Variants in PPP1R1B observed in about 807,000 individuals in gnomAD.
PPP1R1B encodes the protein protein phosphatase 1 regulatory subunit 1B.
A neutral mutation model predicts 28.2 loss-of-function variants in PPP1R1B; 13 were observed. That is an observed-to-expected ratio of 0.46 (90% CI 0.30 to 0.73). PPP1R1B has a LOEUF of 0.73. PPP1R1B is among the 30% of genes least tolerant of loss of function. PPP1R1B has a pLI of 0.07. For synonymous variants in PPP1R1B, 102 were observed against 97.5 expected (o/e 1.05, Z -0.27); for missense variants, 236 against 256.7 (o/e 0.92, Z 0.55).
chr17:39,629,148 A>AC (rs1567847284), intron 1 of PPP1R1B, 22 bp from the exon 2 acceptor site: 2 of 1,611,204 alleles, frequency 1.2e-6, no homozygotes, highest in Non-Finnish European at 1.7e-6. Context: ...CCATCCAGTC[A>AC]CCCCTCCCTC....
intron 2 of PPP1R1B, 51 bp downstream of exon 2, chr17:39,629,281 C>G (rs2056858537): frequency 1.3e-6 from 2 of 1,559,124 alleles, no homozygotes; most frequent in Admixed American, 3.4e-5. Context: ...GCTCTGATGC[C>G]TTCCTAGGGG....
rs1028846493 is a variant in PPP1R1B, at chr17:39,627,390, G to C, written c.-3G>C. The stretch of plus-strand genomic sequence containing the variant: ...CCCAGCCCCACCGCCCACCCCGCGC[G>C]CCATGGACCCCAAGGACCGCAAGAA... On this transcript the variant is annotated 5_prime_UTR_variant, in exon 1 of 7. Transcript: ENST00000254079. 6 of 1,597,448 alleles carry C rather than the reference G, an allele frequency of 3.8e-6. No homozygotes were observed. The highest frequency in any genetic ancestry group is 5.1e-6 in the Non-Finnish European group (6 of 1,173,428).
intron 1 of PPP1R1B, chr17:39,628,742 G>C: frequency 1.0e-6 from 1 of 991,078 alleles, no homozygotes; most frequent in Non-Finnish European, 1.2e-6. Context: ...GGCCCGTGGG[G>C]CATCTTCCCC....
At chr17:39,634,140 A>G in intron 5 of PPP1R1B, 54 bp downstream of exon 5, 1 of 1,604,680 alleles carries the variant, frequency 6.2e-7, no homozygotes, top group Admixed American at 1.7e-5. Context: ...CCTTGAGTAT[A>G]CGAGGACGTC....
chr17:39,627,799 A>G (rs989597209), intron 1 of PPP1R1B, among the ~76,000 whole-genome samples: 3 of 151,748 alleles, frequency 2.0e-5, no homozygotes, highest in African/African-American at 4.8e-5. Context: ...CAGTCCCCAA[A>G]GGGTAGTCAG....
chr17:39,630,126 T>C (rs973942782), intron 4 of PPP1R1B, 79 bp downstream of exon 4: 171 of 1,350,922 alleles, frequency 1.3e-4, no homozygotes, highest in Middle Eastern at 7.2e-4. Flanking sequence ...CTTTTGTCAG[T>C]GGGGAGGGAT....
In PPP1R1B at chr17:39,634,002, G is replaced by C. The variant is rs2056897824; in HGVS notation, c.361G>C (p.Asp121His). Residue 121 changes from aspartate (D) to histidine (H), a missense_variant, in exon 5 of 7, where the codon GAT becomes CAT. Asp to His is a moderately conservative substitution (Grantham distance 81). Transcript: ENST00000254079. Reference protein sequence around the residue: ...LRELGYPREEDEEEEEDDEEE... With the variant: ...LRELGYPREEHEEEEEDDEEE... ...GGAGCTGGGTTATCCAAGAGAGGAA[G>C]ATGAGGAGGAAGAGGAGGATGATGA... The C allele has an allele frequency of 5.0e-6, 8 of 1,613,846 alleles. No homozygotes were observed. Among genetic ancestry groups the C allele is most frequent in the Non-Finnish European group, 6.8e-6 (8 of 1,179,940 alleles).
intron 4 of PPP1R1B, chr17:39,632,259 C>T (rs902355012): frequency 1.3e-5 from 2 of 154,366 alleles, no homozygotes; most frequent in African/African-American, 2.4e-5. Flanking sequence ...GGGGAGACCC[C>T]AGAGAGCCCA....
intron 4 of PPP1R1B, among the ~76,000 whole-genome samples, chr17:39,630,801 G>A (rs796254494): frequency 5.9e-5 from 9 of 152,326 alleles, no homozygotes; most frequent in African/African-American, 1.9e-4. Flanking sequence ...CGGGCGCAGT[G>A]ACTCACGCCT....
Position 39,627,297 on chromosome 17 carries a change from G to A in PPP1R1B, c.-96G>A. 1 of 810,390 alleles carries A rather than the reference G, an allele frequency of 1.2e-6. No individual in the cohort carries two copies. Among genetic ancestry groups the A allele is most frequent in the Non-Finnish European group, 1.8e-6 (1 of 541,334 alleles). The allele number at this position is 810,390 out of a possible 1,614,324, so 50.2% of individuals were successfully genotyped here. On this transcript the variant is annotated 5_prime_UTR_variant, in exon 1 of 7. Transcript: ENST00000254079. The stretch of plus-strand genomic sequence containing the variant: ...CGCGAACAGCCCTCCTCCTCCTCTC[G>A]CCGCACAGCCCGCCGCCTGCGCGGG...
intron 1 of PPP1R1B, chr17:39,628,576 C>T (rs1211975779): frequency 1.0e-6 from 1 of 985,954 alleles, no homozygotes; most frequent in Non-Finnish European, 1.2e-6. Context: ...CCAAGGCCCC[C>T]AGAGAGGTCC....
chr17:39,631,574 GGAGA>G (rs201592985), intron 4 of PPP1R1B, among the ~76,000 whole-genome samples: 2,131 of 152,312 alleles, frequency 0.014, 56 homozygotes, highest in African/African-American at 0.049. Context: ...AGGTTGGGAG[GGAGA>G]GCTACCGGAA....
At chr17:39,633,635 C>T in intron 4 of PPP1R1B, 2 of 477,382 alleles carry the variant, frequency 4.2e-6, no homozygotes, top group Non-Finnish European at 7.5e-6. Flanking sequence ...GGGGGAGCTG[C>T]CTGGGGGCTA....
intron 4 of PPP1R1B, 31 bp from the exon 5 acceptor site, chr17:39,633,852 C>T: frequency 6.2e-7 from 1 of 1,611,842 alleles, no homozygotes; most frequent in Non-Finnish European, 8.5e-7. Flanking sequence ...GTCTAGCTGA[C>T]CCTTGCTTTC....
In PPP1R1B at chr17:39,629,973, G is replaced by C. The variant is rs1201825976; in HGVS notation, c.167G>C (p.Arg56Thr). The C allele has an allele frequency of 1.5e-5, 24 of 1,613,998 alleles. No homozygotes were observed. The highest frequency in any genetic ancestry group is 1.8e-5 in the Non-Finnish European group (21 of 1,180,002). ...SPEEEASPHQ[R>T]ASGEGHHLKS... Reference sequence around the variant, plus strand: ...TTAACCTGGCACTTCCCCTGGCAGAGAGCCTCAGGAGAGGGGCACCATCTC... The same window carrying C: ...TTAACCTGGCACTTCCCCTGGCAGACAGCCTCAGGAGAGGGGCACCATCTC... Residue 56 changes from arginine (R) to threonine (T), a missense_variant and splice_region_variant, in exon 4 of 7, where the codon AGA becomes ACA. By Grantham distance (71) the Arg-to-Thr change is moderately conservative. Coordinates refer to ENST00000254079, the MANE Select transcript of PPP1R1B (RefSeq NM_032192.4).
chr17:39,629,333 G>A, intron 2 of PPP1R1B, 103 bp downstream of exon 2: 3 of 1,356,214 alleles, frequency 2.2e-6, no homozygotes, highest in South Asian at 2.4e-5. Flanking sequence ...GCTGGAGACT[G>A]GGGAGTGGAT....
At chr17:39,634,420 G>A (rs1597781653) in intron 5 of PPP1R1B, among the ~76,000 whole-genome samples, 2 of 152,204 alleles carry the variant, frequency 1.3e-5, no homozygotes, top group Non-Finnish European at 1.5e-5. Flanking sequence ...ATTCAGGGAT[G>A]GAGGACCAGG....
chr17:39,632,710 C>G (rs1159828404), intron 4 of PPP1R1B: 2 of 152,304 alleles, frequency 1.3e-5, no homozygotes, highest in African/African-American at 4.8e-5. Context: ...TTGCCCAGAG[C>G]CAGCAGGAGG....
chr17:39,634,749 T>C (rs1360816299), intron 5 of PPP1R1B, among the ~76,000 whole-genome samples: 1 of 152,244 alleles, frequency 6.6e-6, no homozygotes, highest in East Asian at 1.9e-4. Context: ...TGCCTGCATA[T>C]CTGGCAGTGA....
Sources: gnomAD v4.1 joint callset for allele counts (sites outside exome capture counted in the v4.1 genomes callset) on GRCh38, gnomAD v4.1.1 for gene constraint, MANE v1.5 for transcripts, NCBI Gene and HGNC (gene_info 2026-07-23, HGNC 2026-07-21) for gene names.